Variants in ACOT8 observed in about 807,000 individuals in gnomAD.
ACOT8 encodes the protein acyl-CoA thioesterase 8, also known as acyl-coenzyme A thioesterase 8.
ACOT8 carries 31 observed loss-of-function variants against 38.4 expected under a neutral mutation model. The ratio of observed to expected loss-of-function variants is 0.81; its 90% CI spans 0.61 to 1.09. ACOT8 has a LOEUF of 1.09. Among genes scored for constraint, ACOT8 ranks in the 50% least tolerant of loss-of-function variants. The pLI is 0.00. For synonymous variants in ACOT8, 158 were observed against 170.3 expected (o/e 0.93, Z 0.56); for missense variants, 373 against 421.8 (o/e 0.88, Z 1.01).
At chr20:45,853,807 G>A (rs1424934916) in intron 2 of ACOT8, 2 of 731,644 alleles carry the variant, frequency 2.7e-6, no homozygotes, top group Non-Finnish European at 4.2e-6. Flanking sequence ...CCTCAGGGAT[G>A]AGGAGTAAGA....
chr20:45,852,346 GT>G (rs113261684), intron 2 of ACOT8, among the ~76,000 whole-genome samples: 89 of 132,856 alleles, frequency 6.7e-4, no homozygotes, highest in East Asian at 6.7e-4. Context: ...TTTTGTGTGT[GT>G]TTTTTTTTTT....
At chr20:45,846,419 A>T (rs911481297) in intron 3 of ACOT8, among the ~76,000 whole-genome samples, 2 of 152,152 alleles carry the variant, frequency 1.3e-5, no homozygotes, top group Non-Finnish European at 2.9e-5. Flanking sequence ...GATTAGCACC[A>T]TTTTATAATG....
intron 3 of ACOT8, among the ~76,000 whole-genome samples, chr20:45,847,399 G>A (rs1984750444): frequency 1.3e-5 from 2 of 151,632 alleles, no homozygotes; most frequent in Admixed American, 6.6e-5. Flanking sequence ...AAGTGGTTAC[G>A]GAAGTATTTC....
At chr20:45,845,042 G>A (rs947384679) in intron 3 of ACOT8, among the ~76,000 whole-genome samples, 1 of 152,212 alleles carries the variant, frequency 6.6e-6, no homozygotes, top group African/African-American at 2.4e-5. Flanking sequence ...TTGGCCTCCC[G>A]AGTAGCTGGG....
At chr20:45,843,789 G>C (rs1407877612) in intron 4 of ACOT8, 68 bp from the exon 5 acceptor site, 37 of 1,578,904 alleles carry the variant, frequency 2.3e-5, no homozygotes, top group Non-Finnish European at 2.9e-5. Flanking sequence ...GGAGGTAGGG[G>C]GAAAAGGGAC....
At chr20:45,843,287 G>C in intron 5 of ACOT8, 2 of 702,456 alleles carry the variant, frequency 2.8e-6, no homozygotes, top group Admixed American at 2.1e-5. Context: ...TTTGGGACTA[G>C]AACTGGGTCC....
rs537047806 is a variant in ACOT8 at position 45,843,119 on chromosome 20, C to A, written c.841+408G>T. ...TGAGTGAGAATCTTGAGGGTGGAAT[C>A]AGAATCTATTTTGAAAAGGCATCCC... On this transcript the variant is annotated intron_variant, in intron 5 of 5. Coordinates refer to ENST00000217455, the MANE Select transcript of ACOT8 (RefSeq NM_005469.4). 2.4e-4 allele frequency: 248 copies of A among 1,040,152 alleles called. No homozygotes were observed. The African/African-American group carries it at 3.9e-3, about 16-fold the overall frequency. 64.4% of individuals were successfully genotyped at this position (1,040,152 alleles called of 1,614,324 possible).
chr20:45,843,614 T>C lies in ACOT8; in HGVS notation c.754A>G (p.Met252Val), dbSNP rs1249509047. 2 of 1,613,876 alleles carry C rather than the reference T, an allele frequency of 1.2e-6. No individual in the cohort carries two copies. Residue 252 changes from methionine (M) to valine (V), a missense_variant, in exon 5 of 6, where the codon ATG becomes GTG. Met to Val is a conservative substitution (Grantham distance 21). Transcript: ENST00000217455. The part of the protein sequence containing the change: ...PHQWQHKVHF[M>V]VSLDHSMWFH... ...CACATGGAATGGTCCAGTGAGACCA[T>C]GAAGTGCACCTTGTGCTGCCACTGG...
intron 2 of ACOT8, among the ~76,000 whole-genome samples, chr20:45,854,144 C>T (rs981263711): frequency 2.7e-5 from 4 of 145,984 alleles, no homozygotes; most frequent in African/African-American, 7.5e-5. Flanking sequence ...CAACAATTCT[C>T]CGCATTGGCC....
At chr20:45,855,034 T>A in intron 2 of ACOT8, 125 bp downstream of exon 2, 1 of 1,346,248 alleles carries the variant, frequency 7.4e-7, no homozygotes, top group Non-Finnish European at 1.0e-6. Context: ...CTTAGGGTGG[T>A]AGTGTCCGCC....
At chr20:45,854,273 G>A (rs1165002240) in intron 2 of ACOT8, among the ~76,000 whole-genome samples, 1 of 152,178 alleles carries the variant, frequency 6.6e-6, no homozygotes, top group African/African-American at 2.4e-5. Context: ...GCAGTGGCAC[G>A]ATCTTGGCTC....
chr20:45,845,519 G>A (rs1490236101), intron 3 of ACOT8, among the ~76,000 whole-genome samples: 1 of 152,148 alleles, frequency 6.6e-6, no homozygotes, highest in Non-Finnish European at 1.5e-5. Flanking sequence ...AAACACTCAA[G>A]AAACAGGCTG....
chr20:45,846,217 G>C (rs1156374941), intron 3 of ACOT8, among the ~76,000 whole-genome samples: 1 of 152,156 alleles, frequency 6.6e-6, no homozygotes, highest in Non-Finnish European at 1.5e-5. Flanking sequence ...CTAAATTCAA[G>C]GTCCTTTAAC....
chr20:45,845,921 C>T (rs1984658003), intron 3 of ACOT8, among the ~76,000 whole-genome samples: 2 of 151,768 alleles, frequency 1.3e-5, no homozygotes, highest in Non-Finnish European at 2.9e-5. Flanking sequence ...AACCTCTGCC[C>T]CCTGGGTCCA....
intron 2 of ACOT8, 36 bp from the exon 3 acceptor site, chr20:45,848,711 C>T: frequency 6.5e-7 from 1 of 1,540,144 alleles, no homozygotes; most frequent in Non-Finnish European, 8.8e-7. Context: ...GGTCCACAGG[C>T]CCTGTCATCA....
chr20:45,843,852 G>A, intron 4 of ACOT8, 131 bp from the exon 5 acceptor site: 1 of 1,410,868 alleles, frequency 7.1e-7, no homozygotes, highest in Non-Finnish European at 9.4e-7. Flanking sequence ...TTGGCCTACA[G>A]TGTGTGTGTG....
rs941350184 is a variant in ACOT8 at position 45,853,905 on chromosome 20, T to G, written c.262+1254A>C. Reference sequence around the variant, plus strand: ...TGAAGGGGGAAACCCCATGGTTTTCTTAATACAAATCACATACTGTAAAGG... The same window carrying G: ...TGAAGGGGGAAACCCCATGGTTTTCGTAATACAAATCACATACTGTAAAGG... On this transcript the variant is annotated intron_variant, in intron 2 of 5. Coordinates refer to ENST00000217455, the MANE Select transcript of ACOT8 (RefSeq NM_005469.4). 8 of 1,301,696 alleles carry G rather than the reference T, an allele frequency of 6.1e-6. No homozygotes were observed. The Admixed American group carries it at 1.8e-4, about 30-fold the overall frequency. 80.6% of individuals were successfully genotyped at this position (1,301,696 alleles called of 1,614,324 possible). A position where few individuals can be genotyped will look rare whatever the true frequency, so the allele number is the denominator to read the frequency against.
At chr20:45,851,190 G>A (rs1985033238) in intron 2 of ACOT8, among the ~76,000 whole-genome samples, 1 of 152,132 alleles carries the variant, frequency 6.6e-6, no homozygotes, top group African/African-American at 2.4e-5. Context: ...GGCTTGCTCA[G>A]CTCTCTGTTA....
In ACOT8 at chr20:45,848,440, G is replaced by A; in HGVS notation, c.488+10C>T. ...TGAAAAGTCTGCCATGGAGCCTCCA[G>A]GTCTCTCACCTTAAATACTGGTCAA... On this transcript the variant is annotated intron_variant, in intron 3 of 5. Coordinates refer to ENST00000217455, the MANE Select transcript of ACOT8 (RefSeq NM_005469.4). 5 of 1,566,412 alleles carry A rather than the reference G, an allele frequency of 3.2e-6. No homozygotes were observed. The highest frequency in any genetic ancestry group is 4.3e-6 in the Non-Finnish European group (5 of 1,151,630).
Sources: gnomAD v4.1 joint callset for allele counts (sites outside exome capture counted in the v4.1 genomes callset) on GRCh38, gnomAD v4.1.1 for gene constraint, MANE v1.5 for transcripts, NCBI Gene and HGNC (gene_info 2026-07-23, HGNC 2026-07-21) for gene names.